The following SNRNP35 variants were observed in gnomAD, a reference collection of about 807,000 sequenced individuals.
SNRNP35 encodes the protein small nuclear ribonucleoprotein U11/U12 subunit 35.
A neutral mutation model predicts 24.3 loss-of-function variants in SNRNP35; 16 were observed. The ratio of observed to expected loss-of-function variants is 0.66; its 90% CI spans 0.45 to 1.00. The LOEUF is 1.00. Among genes scored for constraint, SNRNP35 ranks in the 50% least tolerant of loss-of-function variants. SNRNP35 has a pLI of 0.00. For missense variants in SNRNP35, 292 were observed against 327.2 expected, an observed-to-expected ratio of 0.89 and a Z score of 0.83; for synonymous variants, 106 against 124.8, an observed-to-expected ratio of 0.85 and a Z score of 1.00.
chr12:123,466,153 A>G lies in SNRNP35; in HGVS notation c.613A>G (p.Arg205Gly). 3.1e-6 allele frequency: 5 copies of G among 1,609,098 alleles called. No homozygotes were observed. Among genetic ancestry groups the G allele is most frequent in the Non-Finnish European group, 4.2e-6 (5 of 1,178,204 alleles). ...GAGGACAAGGGATCGAGACCATGAC[A>G]GGGGCCGGGAGAAGAGATGGCAAGA... ...DSRTRDRDHD[R>G]GREKRWQERE... Residue 205 changes from arginine (R) to glycine (G), a missense_variant, in exon 2 of 2, where the codon AGG (arginine) becomes GGG (glycine). Transcript: ENST00000526639.
rs1593507262 is a variant in SNRNP35, at chr12:123,458,202, C to T, written c.-18C>T. 2.6e-5 allele frequency: 26 copies of T among 985,476 alleles called. No homozygotes were observed. The highest frequency in any genetic ancestry group is 2.3e-4 in the East Asian group (2 of 8,816). 61.0% of individuals were successfully genotyped at this position (985,476 alleles called of 1,614,324 possible). The stretch of plus-strand genomic sequence containing the variant: ...TCGCCTGTCTCCGTCGGAAGGGAGC[C>T]CAAGCTTTGCAGAGGTGAGTGGAAG... On this transcript the variant is annotated 5_prime_UTR_variant, in exon 1 of 2. Transcript: ENST00000526639.
downstream of SNRNP35, among the ~76,000 whole-genome samples, chr12:123,468,464 G>A (rs1881056869): frequency 6.6e-6 from 1 of 152,142 alleles, no homozygotes; most frequent in South Asian, 2.1e-4. Context: ...ATGACAGGTG[G>A]ATGGCTTGGA....
exon 2 of SNRNP35, chr12:123,472,788 A>C (rs895524572): frequency 8.1e-7 from 1 of 1,237,880 alleles, no homozygotes; most frequent in African/African-American, 1.5e-5. Flanking sequence ...GAAGGGAGCA[A>C]ATCAATTCAA....
intron 1 of SNRNP35, chr12:123,464,828 C>T (rs904623121): frequency 6.6e-6 from 1 of 152,216 alleles, no homozygotes; most frequent in Non-Finnish European, 1.5e-5. Flanking sequence ...GCTCCCGCTG[C>T]TGGGTCACTG....
rs1229982878 is a variant in SNRNP35, at chr12:123,466,390, A to G, written c.*109A>G. 8.4e-7 allele frequency: 1 copy of G among 1,195,496 alleles called. No homozygotes were observed. The highest frequency in any genetic ancestry group is 1.2e-6 in the Non-Finnish European group (1 of 867,870). The allele number at this position is 1,195,496 out of a possible 1,614,324, so 74.1% of individuals were successfully genotyped here. ...GGTTGAATAAAACTTACTGATGATC[A>G]TGGGGTTTGGAATAGTTTTCTTTCC... On this transcript the variant is annotated 3_prime_UTR_variant, in exon 2 of 2. Coordinates refer to ENST00000526639, the MANE Select transcript of SNRNP35 (RefSeq NM_022717.4).
chr12:123,472,442 C>G lies in SNRNP35; in HGVS notation n.1449C>G, dbSNP rs1375841454. 4 of 1,393,656 alleles carry G rather than the reference C, an allele frequency of 2.9e-6. No homozygotes were observed. In the East Asian group the frequency reaches 1.0e-4, roughly 35 times the overall value. 86.3% of individuals were successfully genotyped at this position (1,393,656 alleles called of 1,614,324 possible). A position where few individuals can be genotyped will look rare whatever the true frequency, so the allele number is the denominator to read the frequency against. On this transcript the variant is annotated non_coding_transcript_exon_variant, in exon 2 of 2. Coordinates refer to the SNRNP35 transcript ENST00000527158. Reference sequence around the variant, plus strand: ...GGTCAGTTTTCAGGGTGCATCTGCACCGAGAGGCTTGAGGCAGCAATGACC... The same window carrying G: ...GGTCAGTTTTCAGGGTGCATCTGCAGCGAGAGGCTTGAGGCAGCAATGACC...
rs1454361028 is a variant in SNRNP35, at chr12:123,472,953, C to T, written n.1960C>T. On this transcript the variant is annotated non_coding_transcript_exon_variant, in exon 2 of 2. Transcript: ENST00000527158. ...TGTGTGAGGTGTCTTCCACGTTAGC[C>T]GCTATGGAGGATTTATCCCGTTACC... is the stretch of plus-strand genomic sequence containing the variant. 9 of 367,512 alleles carry T rather than the reference C, an allele frequency of 2.4e-5. No individual in the cohort carries two copies. In the East Asian group the frequency reaches 2.9e-4, roughly 12 times the overall value. The allele number at this position is 367,512 out of a possible 1,614,324, so 22.8% of individuals were successfully genotyped here.
downstream of SNRNP35, among the ~76,000 whole-genome samples, chr12:123,469,629 G>A (rs1340367239): frequency 6.6e-6 from 1 of 152,044 alleles, no homozygotes; most frequent in Non-Finnish European, 1.5e-5. Context: ...AAGTAGCTGA[G>A]ATCATAGGTG....
chr12:123,459,775 A>G, intron 1 of SNRNP35: 6 of 1,452,328 alleles, frequency 4.1e-6, no homozygotes, highest in Non-Finnish European at 4.7e-6. Context: ...TGACAGAGTG[A>G]GACTTTGTCT....
intron 1 of SNRNP35, chr12:123,459,920 T>A: frequency 6.9e-7 from 1 of 1,455,050 alleles, no homozygotes; most frequent in Non-Finnish European, 9.6e-7. Context: ...TATAGAAGCA[T>A]GCAGATGAGA....
chr12:123,462,490 G>C (rs1339770481), intron 1 of SNRNP35, among the ~76,000 whole-genome samples: 8 of 151,098 alleles, frequency 5.3e-5, no homozygotes, highest in Non-Finnish European at 1.2e-4. Context: ...GCTAAGTGAG[G>C]GTCAGAGGTC....
chr12:123,463,771 A>T (rs1215091309), intron 1 of SNRNP35, among the ~76,000 whole-genome samples: 26 of 130,466 alleles, frequency 2.0e-4, no homozygotes, highest in African/African-American at 5.1e-4. Flanking sequence ...TTTATTTTTT[A>T]TTTTTTTTTT....
Position 123,465,421 on chromosome 12 carries a change from C to A in SNRNP35, c.-3-117C>A. 7.9e-7 allele frequency: 1 copy of A among 1,272,050 alleles called. No individual in the cohort carries two copies. The allele number at this position is 1,272,050 out of a possible 1,614,324, so 78.8% of individuals were successfully genotyped here. A position where few individuals can be genotyped will look rare whatever the true frequency, so the allele number is the denominator to read the frequency against. ...ACTTAGCCTCTGTGGGTGTTCCCTT[C>A]CTTTCCTGTTTTTAAGAAGAGGTGA... On this transcript the variant is annotated intron_variant, in intron 1 of 1. Transcript: ENST00000526639. The surrounding 1 kb of genome is among the most constrained non-coding windows in gnomAD (Gnocchi z 4.2).
chr12:123,472,682 C>G (rs777294556), exon 2 of SNRNP35: 7 of 1,595,000 alleles, frequency 4.4e-6, no homozygotes, highest in African/African-American at 1.3e-5. Flanking sequence ...AGAAGCTAAA[C>G]CTTTGGAAGG....
intron 1 of SNRNP35, chr12:123,459,228 G>A (rs1368125884): frequency 6.6e-6 from 1 of 152,512 alleles, no homozygotes; most frequent in Non-Finnish European, 1.5e-5. Context: ...GTGAGCCAGC[G>A]CGTGCCTGGC....
At chr12:123,472,421 AG>A in exon 2 of SNRNP35, 3 of 1,092,138 alleles carry the variant, frequency 2.7e-6, no homozygotes, top group Non-Finnish European at 2.6e-6. Context: ...TTGAGGGGTC[AG>A]TTTTCAGGGT....
chr12:123,468,313 C>T (rs1475969257), downstream of SNRNP35, among the ~76,000 whole-genome samples: 2 of 138,468 alleles, frequency 1.4e-5, no homozygotes, highest in Admixed American at 8.1e-5. Flanking sequence ...GAGCCAAGAC[C>T]GGACCACTGC....
downstream of SNRNP35, chr12:123,470,629 C>T (rs1402129025): frequency 6.6e-6 from 1 of 151,760 alleles, no homozygotes; most frequent in African/African-American, 2.4e-5. Context: ...ACTAAAAATA[C>T]AAAAATTAGT....
At chr12:123,458,796 A>G (rs984115639) in intron 1 of SNRNP35, among the ~76,000 whole-genome samples, 1 of 151,306 alleles carries the variant, frequency 6.6e-6, no homozygotes, top group Non-Finnish European at 1.5e-5. Flanking sequence ...GGGTTTCACC[A>G]TGTTAGCCAG....
Sources: gnomAD v4.1 joint callset for allele counts (sites outside exome capture counted in the v4.1 genomes callset) on GRCh38, gnomAD v4.1.1 for gene constraint, Gnocchi (gnomAD v3.1) non-coding constraint, MANE v1.5 for transcripts, NCBI Gene and HGNC (gene_info 2026-07-23, HGNC 2026-07-21) for gene names.